ADAMTSL1: variants seen among roughly 807,000 people sequenced by gnomAD.
The protein encoded by ADAMTSL1 is ADAMTS like 1.
In ADAMTSL1, 126 loss-of-function variants were observed where a neutral mutation model predicts 201.8. The observed-to-expected ratio is 0.62, with a 90% confidence interval of 0.54 to 0.72. The LOEUF (loss-of-function observed/expected upper bound fraction) is 0.72. Among genes scored for constraint, ADAMTSL1 ranks in the 30% least tolerant of loss-of-function variants. ADAMTSL1 has a pLI of 0.00. For missense variants in ADAMTSL1, 2,679 were observed against 2,277.8 expected (o/e 1.18, Z -3.59); for synonymous variants, 1,121 against 903.4 (o/e 1.24, Z -4.32).
Position 17,915,161 on chromosome 9 carries a change from CT to C in ADAMTSL1, c.87+8242del, listed in dbSNP as rs1219967531. Among the ~76,000 whole-genome samples, 5 of 152,240 alleles carry C rather than the reference CT, an allele frequency of 3.3e-5. No individual in the cohort carries two copies. The East Asian group carries it at 7.7e-4, about 24-fold the overall frequency. On this transcript the variant is annotated intron_variant, in intron 1 of 29. Coordinates refer to the ADAMTSL1 transcript ENST00000680146. ...ATCACCCTGAAGTTTCCTCATTACC[CT>C]TTGCAATGTCTTCCTCCCTCCTGTC...
intron 3 of ADAMTSL1, 38 bp from the exon 4 acceptor site, chr9:18,573,992 C>G (rs1822523381): frequency 1.3e-6 from 2 of 1,571,338 alleles, no homozygotes. Flanking sequence ...GGGGTATCCT[C>G]CTAACCTTTG....
chr9:17,992,762 A>T (rs1563938101), intron 1 of ADAMTSL1, among the ~76,000 whole-genome samples: 2 of 152,208 alleles, frequency 1.3e-5, no homozygotes. Flanking sequence ...ATATTTTGGA[A>T]GTAGGTGCTA....
At chr9:18,131,128 T>G (rs1487825171) in intron 1 of ADAMTSL1, among the ~76,000 whole-genome samples, 2 of 152,174 alleles carry the variant, frequency 1.3e-5, no homozygotes, top group Admixed American at 1.3e-4. Context: ...CTTGCATTCT[T>G]TCTACTGTAC....
intron 1 of ADAMTSL1, among the ~76,000 whole-genome samples, chr9:17,946,058 A>ATGTG (rs769591352): frequency 1.3e-4 from 20 of 148,262 alleles, no homozygotes; most frequent in Admixed American, 9.4e-4. Context: ...CATGATGTGT[A>ATGTG]TGTGTGTGTG....
chr9:18,202,245 A>G (rs1441718087), intron 2 of ADAMTSL1, among the ~76,000 whole-genome samples: 1 of 152,208 alleles, frequency 6.6e-6, no homozygotes, highest in Admixed American at 6.6e-5. Context: ...TGTGTGACAT[A>G]AAGAAATTTC....
At chr9:18,264,035 A>C (rs1438346403) in intron 2 of ADAMTSL1, among the ~76,000 whole-genome samples, 1 of 152,122 alleles carries the variant, frequency 6.6e-6, no homozygotes, top group Non-Finnish European at 1.5e-5. Flanking sequence ...ATTAAATGCA[A>C]CCTCTTTAAA....
intron 4 of ADAMTSL1, among the ~76,000 whole-genome samples, chr9:18,604,462 T>C (rs896142571): frequency 1.3e-5 from 2 of 152,226 alleles, no homozygotes; most frequent in Non-Finnish European, 2.9e-5. Flanking sequence ...TCTATTTTCT[T>C]TCTCTATGAA....
chr9:17,950,121 T>C (rs779812796), intron 1 of ADAMTSL1, among the ~76,000 whole-genome samples: 2 of 152,092 alleles, frequency 1.3e-5, no homozygotes, highest in African/African-American at 2.4e-5. Context: ...GGTTTTACCA[T>C]GTCTCGAACT....
At chr9:18,315,720 C>G (rs1042641930) in intron 2 of ADAMTSL1, among the ~76,000 whole-genome samples, 3 of 152,204 alleles carry the variant, frequency 2.0e-5, no homozygotes, top group Admixed American at 1.3e-4. Context: ...CCCTCCACAC[C>G]TCCCGGCAAG....
At chr9:18,521,811 T>G (rs1740682936) in intron 2 of ADAMTSL1, among the ~76,000 whole-genome samples, 1 of 152,200 alleles carries the variant, frequency 6.6e-6, no homozygotes, top group African/African-American at 2.4e-5. Context: ...AGAATGACAT[T>G]TTTAAGTACA....
intron 9 of ADAMTSL1, among the ~76,000 whole-genome samples, chr9:18,670,861 C>G (rs1214875535): frequency 6.6e-6 from 1 of 151,970 alleles, no homozygotes. Flanking sequence ...GGTTCCAGGA[C>G]CCACCCCACC....
intron 7 of ADAMTSL1, among the ~76,000 whole-genome samples, chr9:18,642,697 G>A (rs2132829472): frequency 6.6e-6 from 1 of 152,000 alleles, no homozygotes; most frequent in Non-Finnish European, 1.5e-5. Flanking sequence ...GTCTTTCTGG[G>A]CCTAGCTTAT....
At chr9:18,724,681 A>G (rs1048546010) in intron 15 of ADAMTSL1, among the ~76,000 whole-genome samples, 16 of 152,146 alleles carry the variant, frequency 1.1e-4, no homozygotes, top group African/African-American at 2.7e-4. Flanking sequence ...CACATAGTAG[A>G]TGATTATTAA....
rs1018944245 is a variant in ADAMTSL1 at position 18,684,612 on chromosome 9, T to C, written c.1490-104T>C. 5 of 1,274,120 alleles carry C rather than the reference T, an allele frequency of 3.9e-6. No homozygotes were observed. In the African/African-American group the frequency reaches 6.0e-5, roughly 15 times the overall value. 78.9% of individuals were successfully genotyped at this position (1,274,120 alleles called of 1,614,324 possible). ...CAATTTACCCAAAAACTTATTCGTG[T>C]TGGTCAACGTAGTAACTTCTTGGTG... is the stretch of plus-strand genomic sequence containing the variant. On this transcript the variant is annotated intron_variant, in intron 12 of 28. Coordinates refer to ENST00000380548, the MANE Select transcript of ADAMTSL1 (RefSeq NM_001040272.6).
chr9:18,127,132 GT>G (rs1164300053), intron 1 of ADAMTSL1, among the ~76,000 whole-genome samples: 1 of 152,202 alleles, frequency 6.6e-6, no homozygotes, highest in African/African-American at 2.4e-5. Flanking sequence ...AGCTGTGAAG[GT>G]TTTGTGCCAG....
intron 2 of ADAMTSL1, among the ~76,000 whole-genome samples, chr9:18,309,776 T>G (rs971441794): frequency 2.0e-5 from 3 of 151,894 alleles, no homozygotes; most frequent in Non-Finnish European, 4.4e-5. Context: ...ATTTACAGAT[T>G]CAATGCTATC....
At chr9:18,244,802 C>CGA (rs1205477227) in intron 2 of ADAMTSL1, among the ~76,000 whole-genome samples, 1 of 152,136 alleles carries the variant, frequency 6.6e-6, no homozygotes, top group African/African-American at 2.4e-5. Context: ...CTCCCTCTCT[C>CGA]CTCTCTTATG....
chr9:18,646,029 T>A (rs1030576024), intron 7 of ADAMTSL1, among the ~76,000 whole-genome samples: 1 of 152,196 alleles, frequency 6.6e-6, no homozygotes, highest in Admixed American at 6.5e-5. Flanking sequence ...GAGCATAGAA[T>A]GTTCTTCCAT....
chr9:17,991,724 T>C (rs1054320152), intron 1 of ADAMTSL1, among the ~76,000 whole-genome samples: 4 of 152,136 alleles, frequency 2.6e-5, no homozygotes, highest in Non-Finnish European at 1.5e-5. Flanking sequence ...GCCAGGTGCA[T>C]TGATAGTCAG....
Sources: gnomAD v4.1 joint callset for allele counts (sites outside exome capture counted in the v4.1 genomes callset) on GRCh38, gnomAD v4.1.1 for gene constraint, MANE v1.5 for transcripts, NCBI Gene and HGNC (gene_info 2026-07-23, HGNC 2026-07-21) for gene names.